Variants in TTC23 observed in about 807,000 individuals in gnomAD.
TTC23 encodes the protein tetratricopeptide repeat domain 23.
A neutral mutation model predicts 55.1 loss-of-function variants in TTC23; 58 were observed. That is an observed-to-expected ratio of 1.05 (90% CI 0.85 to 1.31). The LOEUF (loss-of-function observed/expected upper bound fraction) is 1.31. Among genes scored for constraint, TTC23 ranks in the 50% most tolerant of loss-of-function variants. TTC23 has a pLI of 0.00. For synonymous variants in TTC23, 203 were observed against 199.9 expected, an observed-to-expected ratio of 1.02 and a Z score of -0.13; for missense variants, 516 against 534.4, an observed-to-expected ratio of 0.97 and a Z score of 0.34.
At chr15:99,240,535 A>G (rs976078139) in intron 3 of TTC23, among the ~76,000 whole-genome samples, 1 of 152,252 alleles carries the variant, frequency 6.6e-6, no homozygotes, top group Non-Finnish European at 1.5e-5. Context: ...ACCACAGGCA[A>G]TAATCAGCTA....
At chr15:99,237,938 A>C (rs958331558) in intron 3 of TTC23, among the ~76,000 whole-genome samples, 1 of 151,894 alleles carries the variant, frequency 6.6e-6, no homozygotes, top group Non-Finnish European at 1.5e-5. Context: ...TTTAAATTTC[A>C]TCCTATTGCA....
rs939843739 is a variant in TTC23, at chr15:99,139,578, T to C, written c.1144-179A>G. The stretch of plus-strand genomic sequence containing the variant: ...TTTGGTTTGGATGTTCTGAGGGATC[T>C]AGGCAAAAGTGAACAGTTTTAGCAC... On this transcript the variant is annotated intron_variant, in intron 12 of 13. Coordinates refer to ENST00000394132, the MANE Select transcript of TTC23 (RefSeq NM_001288615.3). 4.5e-6 allele frequency: 7 copies of C among 1,540,564 alleles called. No individual in the cohort carries two copies. In the African/African-American group the frequency reaches 6.9e-5, roughly 15 times the overall value.
At chr15:99,163,977 A>G (rs2071719508) in intron 10 of TTC23, among the ~76,000 whole-genome samples, 1 of 152,212 alleles carries the variant, frequency 6.6e-6, no homozygotes. Flanking sequence ...AAATGAAGAT[A>G]AGAACAATTG....
chr15:99,152,991 G>T (rs912212760), intron 12 of TTC23, among the ~76,000 whole-genome samples: 2 of 152,134 alleles, frequency 1.3e-5, no homozygotes, highest in African/African-American at 2.4e-5. Context: ...TAGAGACAGG[G>T]TTTCGCTGTG....
At chr15:99,171,167 T>C (rs889303664) in intron 10 of TTC23, among the ~76,000 whole-genome samples, 9 of 152,228 alleles carry the variant, frequency 5.9e-5, no homozygotes, top group African/African-American at 1.7e-4. Context: ...TCGCTTAGCA[T>C]TGACTCACCT....
At chr15:99,180,352 A>G (rs989398590) in intron 9 of TTC23, among the ~76,000 whole-genome samples, 8 of 152,136 alleles carry the variant, frequency 5.3e-5, no homozygotes, top group Admixed American at 3.9e-4. Flanking sequence ...ATTAAAAAAA[A>G]AAAAAACAAA....
At chr15:99,175,256 C>T in intron 9 of TTC23, 101 bp from the exon 10 acceptor site, 1 of 893,130 alleles carries the variant, frequency 1.1e-6, no homozygotes, top group Non-Finnish European at 1.7e-6. Context: ...AAGGAACTTT[C>T]CAGCAAGCTA....
At chr15:99,238,926 T>C (rs962704613) in intron 3 of TTC23, among the ~76,000 whole-genome samples, 12 of 152,184 alleles carry the variant, frequency 7.9e-5, no homozygotes, top group African/African-American at 2.7e-4. Flanking sequence ...TGAGCACCTA[T>C]TAAATCTTAT....
intron 11 of TTC23, among the ~76,000 whole-genome samples, chr15:99,156,972 G>A (rs1277756041): frequency 6.6e-6 from 1 of 151,978 alleles, no homozygotes; most frequent in Non-Finnish European, 1.5e-5. Context: ...ACAATTGTGT[G>A]GGTCTCATTT....
At chr15:99,214,590 T>C (rs2077309124) in intron 8 of TTC23, among the ~76,000 whole-genome samples, 1 of 150,496 alleles carries the variant, frequency 6.6e-6, no homozygotes, top group African/African-American at 2.4e-5. Context: ...CACACTTGGA[T>C]AAATTAAAAA....
At chr15:99,149,524 G>A (rs567399286) in intron 12 of TTC23, among the ~76,000 whole-genome samples, 5 of 152,318 alleles carry the variant, frequency 3.3e-5, no homozygotes, top group Admixed American at 6.5e-5. Context: ...CTCAGCCTCC[G>A]CCTGGGAAAC....
At chr15:99,167,593 C>T (rs2072304846) in intron 10 of TTC23, among the ~76,000 whole-genome samples, 1 of 152,090 alleles carries the variant, frequency 6.6e-6, no homozygotes, top group Non-Finnish European at 1.5e-5. Context: ...TTCCAAAAGA[C>T]CCTGAAAGAT....
At chr15:99,197,410 G>A (rs1265982000) in intron 9 of TTC23, among the ~76,000 whole-genome samples, 1 of 151,824 alleles carries the variant, frequency 6.6e-6, no homozygotes, top group African/African-American at 2.4e-5. Flanking sequence ...CCTGGTTTCT[G>A]TTCTTATCAT....
intron 9 of TTC23, among the ~76,000 whole-genome samples, chr15:99,189,507 C>A (rs1293953464): frequency 5.3e-5 from 8 of 151,992 alleles, no homozygotes; most frequent in Non-Finnish European, 1.2e-4. Flanking sequence ...AAACTGTACA[C>A]CACCAAGAAT....
At chr15:99,143,308 T>C in intron 12 of TTC23, among the ~76,000 whole-genome samples, 1 of 152,280 alleles carries the variant, frequency 6.6e-6, no homozygotes, top group East Asian at 1.9e-4. Context: ...TAGCTAAATT[T>C]ACTTAAGCAT....
chr15:99,170,268 G>T (rs748529654), intron 10 of TTC23, among the ~76,000 whole-genome samples: 1 of 152,162 alleles, frequency 6.6e-6, no homozygotes, highest in Non-Finnish European at 1.5e-5. Flanking sequence ...CTTGTGCGTC[G>T]AGACTGAAAC....
chr15:99,147,385 C>A, intron 12 of TTC23, among the ~76,000 whole-genome samples: 1 of 152,018 alleles, frequency 6.6e-6, no homozygotes, highest in Non-Finnish European at 1.5e-5. Context: ...GCCACCACAC[C>A]CGGCTAATTT....
chr15:99,145,660 C>T (rs1555492820), intron 12 of TTC23, among the ~76,000 whole-genome samples: 1 of 152,106 alleles, frequency 6.6e-6, no homozygotes, highest in African/African-American at 2.4e-5. Flanking sequence ...TCCTCTTTCT[C>T]TCAGTCTATG....
intron 8 of TTC23, among the ~76,000 whole-genome samples, chr15:99,216,968 T>C (rs2077519551): frequency 6.6e-6 from 1 of 152,144 alleles, no homozygotes; most frequent in South Asian, 2.1e-4. Context: ...AGCAGAGAGC[T>C]GGGGACAAGC....
Sources: allele counts gnomAD v4.1 joint callset (sites outside exome capture counted in the v4.1 genomes callset), GRCh38; gene constraint gnomAD v4.1.1; transcripts MANE v1.5; gene names NCBI Gene and HGNC (gene_info 2026-07-23, HGNC 2026-07-21).